The following SCRG1 variants were observed in gnomAD, a reference collection of about 807,000 sequenced individuals.
The protein encoded by SCRG1 is scrapie-responsive protein 1.
In SCRG1, 3 loss-of-function variants were observed where a neutral mutation model predicts 7.7. The observed-to-expected ratio is 0.39, with a 90% confidence interval of 0.18 to 1.01. The LOEUF is 1.01. SCRG1 is among the 50% of genes least tolerant of loss of function. The pLI, the probability that SCRG1 is intolerant of heterozygous loss-of-function variation, is 0.36. For missense variants in SCRG1, 110 were observed against 117.2 expected (o/e 0.94, Z 0.28); for synonymous variants, 46 against 41.2 (o/e 1.12, Z -0.44).
At chr4:173,432,075 A>T in the SCRG1 span, among the ~76,000 whole-genome samples, 1 of 152,230 alleles carries the variant, frequency 6.6e-6, no homozygotes, top group Non-Finnish European at 1.5e-5. Context: ...GCATAACTTG[A>T]TGAGGATCCA....
At chr4:173,400,229 A>G (rs1359136127), upstream of SCRG1, among the ~76,000 whole-genome samples, 2 of 152,218 alleles carry the variant, frequency 1.3e-5, no homozygotes, top group Non-Finnish European at 2.9e-5. Flanking sequence ...AACTGAAAAG[A>G]CCTGATGACC....
At chr4:173,429,504 G>A in the SCRG1 span, among the ~76,000 whole-genome samples, 3 of 151,872 alleles carry the variant, frequency 2.0e-5, no homozygotes, top group Middle Eastern at 3.2e-3. Flanking sequence ...GCTATGTTGC[G>A]CAGCCTGGTC....
At chr4:173,482,653 A>C in the SCRG1 span, among the ~76,000 whole-genome samples, 1 of 151,826 alleles carries the variant, frequency 6.6e-6, no homozygotes, top group Non-Finnish European at 1.5e-5. Flanking sequence ...CCCTGTCTCT[A>C]CAAAAAATTG....
chr4:173,412,700 C>T, the SCRG1 span, among the ~76,000 whole-genome samples: 1 of 152,212 alleles, frequency 6.6e-6, no homozygotes, highest in Non-Finnish European at 1.5e-5. Context: ...TTCCCATCTT[C>T]TGAATTAAGA....
At chr4:173,472,738 C>T in the SCRG1 span, among the ~76,000 whole-genome samples, 1 of 152,158 alleles carries the variant, frequency 6.6e-6, no homozygotes, top group Non-Finnish European at 1.5e-5. Context: ...GAAGTGCACC[C>T]ACATTAGGCA....
intron 1 of SCRG1, among the ~76,000 whole-genome samples, chr4:173,392,195 G>T (rs1013448429): frequency 6.6e-6 from 1 of 152,202 alleles, no homozygotes; most frequent in Non-Finnish European, 1.5e-5. Flanking sequence ...AGTGACAGAT[G>T]ATAGTGTATA....
At chr4:173,474,480 G>A in the SCRG1 span, among the ~76,000 whole-genome samples, 1 of 152,132 alleles carries the variant, frequency 6.6e-6, no homozygotes, top group Non-Finnish European at 1.5e-5. Flanking sequence ...AATGAAGTGG[G>A]AAAAAGAGTC....
chr4:173,393,139 T>A (rs1458386931), intron 1 of SCRG1, among the ~76,000 whole-genome samples: 1 of 152,084 alleles, frequency 6.6e-6, no homozygotes, highest in African/African-American at 2.4e-5. Context: ...ATTTTTGGTA[T>A]AAAGTTTTTA....
the SCRG1 span, among the ~76,000 whole-genome samples, chr4:173,470,358 C>A: frequency 6.6e-6 from 1 of 152,108 alleles, no homozygotes; most frequent in African/African-American, 2.4e-5. Context: ...GAGACATAAT[C>A]CCTCCTTTGT....
At chr4:173,433,053 TTC>T in the SCRG1 span, among the ~76,000 whole-genome samples, 1 of 152,254 alleles carries the variant, frequency 6.6e-6, no homozygotes, top group Non-Finnish European at 1.5e-5. Flanking sequence ...TTTGCAGATA[TTC>T]TGTTTTTCTT....
At chr4:173,492,067 C>T in the SCRG1 span, among the ~76,000 whole-genome samples, 330 of 152,088 alleles carry the variant, frequency 2.2e-3, 3 homozygotes, top group South Asian at 0.02. Flanking sequence ...GAGGTTGAGG[C>T]TGCAGTGAGC....
chr4:173,442,435 C>G, the SCRG1 span, among the ~76,000 whole-genome samples: 1 of 152,172 alleles, frequency 6.6e-6, no homozygotes, highest in East Asian at 1.9e-4. Flanking sequence ...TTTCTTCAAA[C>G]GACTTCAGCT....
chr4:173,467,872 G>A, the SCRG1 span: 1 of 152,118 alleles, frequency 6.6e-6, no homozygotes, highest in Non-Finnish European at 1.5e-5. Flanking sequence ...AAGAGGATGG[G>A]GAATGAGATT....
At chr4:173,443,285 C>A in the SCRG1 span, among the ~76,000 whole-genome samples, 1 of 151,746 alleles carries the variant, frequency 6.6e-6, no homozygotes, top group Non-Finnish European at 1.5e-5. Flanking sequence ...CAAAGCTGGA[C>A]AACAAAGATA....
intron 2 of SCRG1, chr4:173,389,460 A>C (rs562031984): frequency 1.9e-4 from 30 of 157,422 alleles, no homozygotes; most frequent in Non-Finnish European, 3.4e-4. Context: ...GGCGTGAACC[A>C]GGGAGGAAGA....
At chr4:173,495,985 G>A in the SCRG1 span, among the ~76,000 whole-genome samples, 1 of 152,118 alleles carries the variant, frequency 6.6e-6, no homozygotes, top group Admixed American at 6.5e-5. Flanking sequence ...TTCTGATAAA[G>A]ATGGAGGGAA....
the SCRG1 span, among the ~76,000 whole-genome samples, chr4:173,491,764 A>AGTGAAAACTC: frequency 1.3e-5 from 2 of 152,198 alleles, no homozygotes; most frequent in Admixed American, 1.3e-4. Context: ...CAGGCTGAAA[A>AGTGAAAACTC]GTGAAAACTC....
the SCRG1 span, among the ~76,000 whole-genome samples, chr4:173,444,663 G>T: frequency 6.6e-6 from 1 of 152,114 alleles, no homozygotes; most frequent in Non-Finnish European, 1.5e-5. Context: ...ACCCAATCTT[G>T]GTCAAGGAAA....
the SCRG1 span, among the ~76,000 whole-genome samples, chr4:173,451,663 T>C: frequency 3.8e-5 from 5 of 130,116 alleles, no homozygotes; most frequent in African/African-American, 5.7e-5. Context: ...TATTTATTTA[T>C]TTATTTATTT....
Sources: gnomAD v4.1 joint callset for allele counts (sites outside exome capture counted in the v4.1 genomes callset) on GRCh38, gnomAD v4.1.1 for gene constraint, MANE v1.5 for transcripts, NCBI Gene and HGNC (gene_info 2026-07-23, HGNC 2026-07-21) for gene names.